The following FMNL2 variants were observed in gnomAD, a reference collection of about 807,000 sequenced individuals.
The protein encoded by FMNL2 is formin-like protein 2.
In FMNL2, 51 loss-of-function variants were observed where a neutral mutation model predicts 130.2. The observed-to-expected ratio is 0.39, with a 90% CI of 0.31 to 0.49. The LOEUF is 0.49. Ranked by LOEUF, FMNL2 falls within the 20% of genes least tolerant of loss-of-function variation. The pLI is 0.85. For missense variants in FMNL2, 977 were observed against 1,316.2 expected, an observed-to-expected ratio of 0.74 and a Z score of 3.99; for synonymous variants, 465 against 467.1, an observed-to-expected ratio of 1.00 and a Z score of 0.06.
At chr2:152,377,319 T>G (rs193144207) in intron 1 of FMNL2, among the ~76,000 whole-genome samples, 2 of 152,376 alleles carry the variant, frequency 1.3e-5, no homozygotes, top group African/African-American at 4.8e-5. Flanking sequence ...TTTCCTTCAC[T>G]AGATCTTGAA....
chr2:152,626,742 A>T lies in FMNL2; in HGVS notation c.2165+15A>T. ...GCTATTCATGTGTAAGTTCAGGAAA[A>T]TTATATTCTAGTTAGTTTATGATAA... is the stretch of plus-strand genomic sequence containing the variant. On this transcript the variant is annotated intron_variant, in intron 17 of 25. Coordinates refer to ENST00000288670, the MANE Select transcript of FMNL2 (RefSeq NM_052905.4). 1 of 1,589,570 alleles carries T rather than the reference A, an allele frequency of 6.3e-7. No individual in the cohort carries two copies. The highest frequency in any genetic ancestry group is 8.6e-7 in the Non-Finnish European group (1 of 1,167,276).
chr2:152,584,417 TAAG>T (rs955097466), intron 9 of FMNL2, among the ~76,000 whole-genome samples: 22 of 152,294 alleles, frequency 1.4e-4, no homozygotes, highest in Middle Eastern at 3.4e-3. Flanking sequence ...TTCATCTGCC[TAAG>T]AAGGATGAAA....
chr2:152,342,004 A>G (rs1049023128), intron 1 of FMNL2, among the ~76,000 whole-genome samples: 12 of 152,244 alleles, frequency 7.9e-5, no homozygotes, highest in African/African-American at 2.9e-4. Flanking sequence ...TGCAACTTGC[A>G]GGTTCTAGAC....
At chr2:152,475,303 G>A (rs1261023611) in intron 1 of FMNL2, among the ~76,000 whole-genome samples, 2 of 152,186 alleles carry the variant, frequency 1.3e-5, no homozygotes, top group African/African-American at 2.4e-5. Flanking sequence ...GCCTGTGGAT[G>A]ACTGAAAGCT....
chr2:152,424,370 G>C (rs1032010838), intron 1 of FMNL2, among the ~76,000 whole-genome samples: 13 of 151,312 alleles, frequency 8.6e-5, no homozygotes, highest in South Asian at 2.1e-4. Context: ...TTGATTTGCT[G>C]CTTGTGTTTT....
chr2:152,619,791 C>G, intron 15 of FMNL2, 73 bp downstream of exon 15: 1 of 1,543,980 alleles, frequency 6.5e-7, no homozygotes, highest in Non-Finnish European at 8.7e-7. Flanking sequence ...TGAAGCTATT[C>G]TTTCAAAGTC....
At chr2:152,541,471 C>G (rs962226279) in intron 2 of FMNL2, among the ~76,000 whole-genome samples, 34 of 151,958 alleles carry the variant, frequency 2.2e-4, no homozygotes, top group African/African-American at 8.0e-4. Context: ...TAGTTAAGCC[C>G]GAGAACCAGC....
intron 1 of FMNL2, among the ~76,000 whole-genome samples, chr2:152,354,699 C>A (rs6734534): frequency 2.0e-5 from 3 of 151,984 alleles, no homozygotes; most frequent in African/African-American, 7.2e-5. Flanking sequence ...GAAAATTGCT[C>A]ATTTTTCTCT....
intron 2 of FMNL2, among the ~76,000 whole-genome samples, chr2:152,534,223 C>T (rs148882916): frequency 4.6e-4 from 70 of 152,274 alleles, no homozygotes; most frequent in African/African-American, 1.7e-3. Flanking sequence ...GTATCAGACC[C>T]TTCGCACCAC....
chr2:152,420,742 C>T (rs1014331933), intron 1 of FMNL2, among the ~76,000 whole-genome samples: 2 of 152,128 alleles, frequency 1.3e-5, no homozygotes, highest in African/African-American at 4.8e-5. Context: ...TTTGAATGGA[C>T]CTGAGGGACT....
intron 9 of FMNL2, among the ~76,000 whole-genome samples, chr2:152,596,607 T>A (rs1345113081): frequency 6.6e-6 from 1 of 152,200 alleles, no homozygotes; most frequent in Non-Finnish European, 1.5e-5. Context: ...TATGTTGATA[T>A]TTTCCATATT....
chr2:152,370,221 A>G (rs1683795850), intron 1 of FMNL2, among the ~76,000 whole-genome samples: 1 of 152,146 alleles, frequency 6.6e-6, no homozygotes, highest in Admixed American at 6.5e-5. Context: ...GCCACCCAGT[A>G]TGGTTGGGCT....
Position 152,619,664 on chromosome 2 carries a change from C to T in FMNL2, c.1783C>T (p.Pro595Ser). The T allele has an allele frequency of 6.2e-7, 1 of 1,612,018 alleles. No homozygotes were observed. Among genetic ancestry groups the T allele is most frequent in the Non-Finnish European group, 8.5e-7 (1 of 1,179,460 alleles). The change falls in exon 15 of 26, where the codon CCT (proline) becomes TCT (serine). Residue 595 changes from proline (P) to serine (S), a missense_variant. By Grantham distance (74) the Pro-to-Ser change is moderately conservative. Coordinates refer to ENST00000288670, the MANE Select transcript of FMNL2 (RefSeq NM_052905.4). ...CTTAGCACCTCCCCTTCCCTCTGCA[C>T]CTCCGCTGCCTGGAACATCTTCACC... ...PPLAPPLPSA[P>S]PLPGTSSPTV...
chr2:152,413,404 A>G (rs569290659), intron 1 of FMNL2, among the ~76,000 whole-genome samples: 2 of 152,288 alleles, frequency 1.3e-5, no homozygotes, highest in South Asian at 4.1e-4. Flanking sequence ...GCACCTAACA[A>G]TGGTCTTTAT....
chr2:152,423,559 G>A (rs935403508), intron 1 of FMNL2, among the ~76,000 whole-genome samples: 2 of 152,156 alleles, frequency 1.3e-5, no homozygotes, highest in African/African-American at 4.8e-5. Context: ...ATAGCCCTGG[G>A]TCTCAGATGC....
At chr2:152,581,450 G>A (rs16823801) in intron 9 of FMNL2, among the ~76,000 whole-genome samples, 6,973 of 152,204 alleles carry the variant, frequency 0.046, 541 homozygotes, top group African/African-American at 0.16. Flanking sequence ...TGAAAAACCT[G>A]GCAAATACTG....
Position 152,516,943 on chromosome 2 carries a change from A to G in FMNL2, c.118-5000A>G, listed in dbSNP as rs146884627. ...TTTTCTAGTTATAATTTCTATTTTC[A>G]AAAGGTTCTGAGATGGAAAACACAT... is the stretch of plus-strand genomic sequence containing the variant. On this transcript the variant is annotated intron_variant, in intron 1 of 25. Coordinates refer to ENST00000288670, the MANE Select transcript of FMNL2 (RefSeq NM_052905.4). Among the ~76,000 whole-genome samples, 39 of 152,050 alleles carry G rather than the reference A, an allele frequency of 2.6e-4. No individual in the cohort carries two copies. The East Asian group carries it at 6.9e-3, about 27-fold the overall frequency.
Position 152,568,218 on chromosome 2 carries a change from G to GTTTTTTTTTTTTTT in FMNL2, c.597-6916_597-6903dup, listed in dbSNP as rs1177965681. 2.2e-3 allele frequency among the ~76,000 whole-genome samples: 75 copies of GTTTTTTTTTTTTTT among 34,836 alleles called. 3 individuals are homozygous for GTTTTTTTTTTTTTT. The highest frequency in any genetic ancestry group is 6.1e-3 in the African/African-American group (73 of 11,874). 22.9% of individuals were successfully genotyped at this position (34,836 alleles called of 152,430 possible). ...TGAGCAACGGCTTCCATTTTGGTGG[G>GTTTTTTTTTTTTTT]TTTTTTTTTTTTTTTGAGACGGAGT... is the stretch of plus-strand genomic sequence containing the variant. On this transcript the variant is annotated intron_variant, in intron 6 of 25. Transcript: ENST00000288670.
intron 1 of FMNL2, among the ~76,000 whole-genome samples, chr2:152,387,190 A>G (rs1684833264): frequency 1.3e-5 from 2 of 152,120 alleles, no homozygotes; most frequent in South Asian, 4.1e-4. Flanking sequence ...ACTGTTATCT[A>G]TAGTGTGCTG....
Sources: gnomAD v4.1 joint callset for allele counts (sites outside exome capture counted in the v4.1 genomes callset) on GRCh38, gnomAD v4.1.1 for gene constraint, MANE v1.5 for transcripts, NCBI Gene and HGNC (gene_info 2026-07-23, HGNC 2026-07-21) for gene names.